BCAS3: variants seen among roughly 807,000 people sequenced by gnomAD.
BCAS3 encodes the protein BCAS4/BCAS3 fusion.
BCAS3 carries 53 observed loss-of-function variants against 116.1 expected under a neutral mutation model. The observed-to-expected ratio is 0.46, with a 90% CI of 0.37 to 0.57. BCAS3 has a LOEUF of 0.57. Ranked by LOEUF, BCAS3 falls within the 20% of genes least tolerant of loss-of-function variation. The pLI is 0.00. For synonymous variants in BCAS3, 391 were observed against 408.2 expected (o/e 0.96, Z 0.51); for missense variants, 917 against 1,165.4 (o/e 0.79, Z 3.10).
At position 61,363,593 on chromosome 17, in the gene BCAS3, G is replaced by A. The variant is rs1366012354; in HGVS notation, c.2426-4734G>A. Among the ~76,000 whole-genome samples the A allele has an allele frequency of 6.7e-6, 1 of 149,626 alleles. No homozygotes were observed. The highest frequency in any genetic ancestry group is 6.7e-5 in the Admixed American group (1 of 14,948). ...TTTAACTCACTCTGAACCTTGTACA[G>A]TGCTCGACTCATATCATAGTGGACA... On this transcript the variant is annotated intron_variant, in intron 22 of 23. Transcript: ENST00000407086. This position sits in a 1 kb window ranked among gnomAD's most constrained non-coding sequence, Gnocchi z 4.9.
Position 60,709,289 on chromosome 17 carries a change from T to C in BCAS3, c.285T>C (p.Ile95=). The C allele has an allele frequency of 6.2e-7, 1 of 1,602,248 alleles. No individual in the cohort carries two copies. The highest frequency in any genetic ancestry group is 8.6e-7 in the Non-Finnish European group (1 of 1,169,114). Residue 95 remains isoleucine, a synonymous_variant, in exon 5 of 24, where the codon ATT becomes ATC. Transcript: ENST00000407086. ...TGNEPPLLIM[I]GYSDGMQVWS... ...ATGAACCGCCTTTGTTGATTATGAT[T>C]GGCTACAGTGATGGAATGCAGGTCT...
At position 60,962,219 on chromosome 17, in the gene BCAS3, T is replaced by A. The variant is rs2145311066; in HGVS notation, c.1221+14867T>A. 6.6e-6 allele frequency among the ~76,000 whole-genome samples: 1 copy of A among 152,350 alleles called. No individual in the cohort carries two copies. The highest frequency in any genetic ancestry group is 6.5e-5 in the Admixed American group (1 of 15,302). On this transcript the variant is annotated intron_variant, in intron 14 of 23. Transcript: ENST00000407086. This position sits in a 1 kb window ranked among gnomAD's most constrained non-coding sequence, Gnocchi z 4.4. ...TATACCTGGTAGCAGAATTGCTGGATCATATGGTAATTCTGTTTTTAGTTT... is the reference window on the plus strand; with the variant it reads ...TATACCTGGTAGCAGAATTGCTGGAACATATGGTAATTCTGTTTTTAGTTT...
At chr17:61,338,619 G>C (rs2056903141) in intron 22 of BCAS3, among the ~76,000 whole-genome samples, 4 of 152,006 alleles carry the variant, frequency 2.6e-5, no homozygotes, top group Admixed American at 2.6e-4. Flanking sequence ...GTGGAGGTAG[G>C]GGCTTTTGGA....
chr17:60,772,663 C>T (rs1457252505), intron 6 of BCAS3, among the ~76,000 whole-genome samples: 3 of 152,034 alleles, frequency 2.0e-5, no homozygotes, highest in East Asian at 1.9e-4. Context: ...GTGGATCACT[C>T]GAGGTCAGGA....
intron 11 of BCAS3, among the ~76,000 whole-genome samples, chr17:60,908,697 G>T (rs1384411566): frequency 6.6e-6 from 1 of 152,028 alleles, no homozygotes; most frequent in African/African-American, 2.4e-5. Flanking sequence ...TATAATCGCG[G>T]GAGTTTGAGT....
chr17:60,698,921 G>A (rs577832771), intron 4 of BCAS3, among the ~76,000 whole-genome samples: 14 of 152,270 alleles, frequency 9.2e-5, no homozygotes, highest in Admixed American at 7.8e-4. Context: ...GCTGGGTGTG[G>A]TGGTGGGCAT....
intron 22 of BCAS3, among the ~76,000 whole-genome samples, chr17:61,133,527 G>A (rs2076449673): frequency 6.6e-6 from 1 of 152,116 alleles, no homozygotes; most frequent in South Asian, 2.1e-4. Flanking sequence ...AGAATTCCGT[G>A]CAAATTTCAA....
Position 61,029,126 on chromosome 17 carries a change from G to A in BCAS3, c.1638-5540G>A, listed in dbSNP as rs1157001459. 6.6e-6 allele frequency among the ~76,000 whole-genome samples: 1 copy of A among 151,836 alleles called. No homozygotes were observed. Among genetic ancestry groups the A allele is most frequent in the African/African-American group, 2.4e-5 (1 of 41,412 alleles). On this transcript the variant is annotated intron_variant, in intron 16 of 23. Coordinates refer to ENST00000407086, the MANE Select transcript of BCAS3 (RefSeq NM_017679.5). The surrounding 1 kb of genome is among the most constrained non-coding windows in gnomAD (Gnocchi z 5.2). The stretch of plus-strand genomic sequence containing the variant: ...TATATCCAGTTATAGGGTAATATAT[G>A]TATTTTGGATGAAAAATGAAATTTT...
At chr17:60,980,012 A>C (rs1261651003) in intron 14 of BCAS3, among the ~76,000 whole-genome samples, 1 of 152,106 alleles carries the variant, frequency 6.6e-6, no homozygotes, top group Non-Finnish European at 1.5e-5. Context: ...TGGCCTCATA[A>C]AATGAGTTAG....
rs764479430 is a variant in BCAS3 at position 60,956,275 on chromosome 17, T to G, written c.1221+8923T>G. On this transcript the variant is annotated intron_variant, in intron 14 of 23. Coordinates refer to ENST00000407086, the MANE Select transcript of BCAS3 (RefSeq NM_017679.5). The surrounding 1 kb of genome is among the most constrained non-coding windows in gnomAD (Gnocchi z 4.2). ...ACCACTTTCTGAGCTTGTCCTTACT[T>G]TCTGGCACAACTAACTTGCTTACCC... Among the ~76,000 whole-genome samples, 2 of 152,218 alleles carry G rather than the reference T, an allele frequency of 1.3e-5. No individual in the cohort carries two copies. Among genetic ancestry groups the G allele is most frequent in the African/African-American group, 2.4e-5 (1 of 41,452 alleles).
chr17:60,912,333 G>A (rs1041824794), intron 12 of BCAS3, among the ~76,000 whole-genome samples: 3 of 152,060 alleles, frequency 2.0e-5, no homozygotes, highest in African/African-American at 7.2e-5. Context: ...TAAGGTATTA[G>A]CCTTAAATAT....
At chr17:61,299,490 G>C (rs1418998716) in intron 22 of BCAS3, among the ~76,000 whole-genome samples, 1 of 149,856 alleles carries the variant, frequency 6.7e-6, no homozygotes, top group African/African-American at 2.5e-5. Context: ...ATGGGATTCT[G>C]AGTAAACTTG....
At chr17:60,942,763 C>T (rs138155006) in intron 13 of BCAS3, among the ~76,000 whole-genome samples, 1 of 152,154 alleles carries the variant, frequency 6.6e-6, no homozygotes, top group African/African-American at 2.4e-5. Flanking sequence ...CTTGTCTTCC[C>T]ACAGATGCTT....
At chr17:61,234,453 A>C (rs1480281533) in intron 22 of BCAS3, among the ~76,000 whole-genome samples, 1 of 152,216 alleles carries the variant, frequency 6.6e-6, no homozygotes, top group Non-Finnish European at 1.5e-5. Context: ...ACTGTTGTAT[A>C]GGATTAAATT....
intron 9 of BCAS3, among the ~76,000 whole-genome samples, chr17:60,886,699 C>G (rs1027883334): frequency 3.3e-5 from 5 of 152,026 alleles, no homozygotes; most frequent in African/African-American, 1.2e-4. Context: ...TTGGAATAAC[C>G]TGCCGTGTGA....
intron 22 of BCAS3, among the ~76,000 whole-genome samples, chr17:61,206,989 G>A (rs912868607): frequency 1.3e-5 from 2 of 151,438 alleles, no homozygotes; most frequent in African/African-American, 4.8e-5. Flanking sequence ...GAACAGATAT[G>A]TCAGGGGAAG....
rs2042089287 is a variant in BCAS3 at position 60,747,290 on chromosome 17, T to C, written c.403+11T>C. The C allele has an allele frequency of 6.3e-7, 1 of 1,590,350 alleles. No individual in the cohort carries two copies. The highest frequency in any genetic ancestry group is 8.6e-7 in the Non-Finnish European group (1 of 1,161,890). ...CTGCTCCACAGTTTGGTGAGTGTAG[T>C]CCTTAAGAAAAGAATCTTTCAGAAA... On this transcript the variant is annotated intron_variant, in intron 6 of 23. Coordinates refer to ENST00000407086, the MANE Select transcript of BCAS3 (RefSeq NM_017679.5).
At chr17:61,245,659 A>G (rs2080545273) in intron 22 of BCAS3, among the ~76,000 whole-genome samples, 1 of 152,226 alleles carries the variant, frequency 6.6e-6, no homozygotes, top group Non-Finnish European at 1.5e-5. Flanking sequence ...AAGTTGTAGA[A>G]GTACCTCCCT....
intron 6 of BCAS3, among the ~76,000 whole-genome samples, chr17:60,782,347 T>C (rs976759122): frequency 1.3e-5 from 2 of 152,122 alleles, no homozygotes; most frequent in African/African-American, 4.8e-5. Context: ...CCACTATTTT[T>C]TGAGGACTTA....
Sources: gnomAD v4.1 joint callset for allele counts (sites outside exome capture counted in the v4.1 genomes callset) on GRCh38, gnomAD v4.1.1 for gene constraint, Gnocchi (gnomAD v3.1) non-coding constraint, MANE v1.5 for transcripts, NCBI Gene and HGNC (gene_info 2026-07-23, HGNC 2026-07-21) for gene names.